Variants in UBAP2 observed in about 807,000 individuals in gnomAD.
UBAP2 encodes ubiquitin associated protein 2.
UBAP2 carries 75 observed loss-of-function variants against 139.6 expected under a neutral mutation model. That is an observed-to-expected ratio of 0.54 (90% CI 0.45 to 0.65). UBAP2 has a LOEUF of 0.65. Among genes scored for constraint, UBAP2 ranks in the 30% least tolerant of loss-of-function variants. The pLI, the probability that UBAP2 is intolerant of heterozygous loss-of-function variation, is 0.00. For missense variants in UBAP2, 1,368 were observed against 1,369.6 expected (o/e 1.00, Z 0.02); for synonymous variants, 526 against 526.2 (o/e 1.00, Z 0.01).
chr9:33,951,896 TG>T (rs1280357300), intron 12 of UBAP2, among the ~76,000 whole-genome samples: 3 of 152,138 alleles, frequency 2.0e-5, no homozygotes, highest in Non-Finnish European at 4.4e-5. Context: ...GAAAAGACTC[TG>T]GTGCGTCAAT....
At chr9:33,924,306 T>G in intron 22 of UBAP2, 22 bp from the exon 23 acceptor site, 4 of 1,607,272 alleles carry the variant, frequency 2.5e-6, no homozygotes, top group Non-Finnish European at 3.4e-6. Context: ...CAGGGAGGCT[T>G]GATCAGCGAC....
In UBAP2 at chr9:33,988,979, T is replaced by G; in HGVS notation, c.436A>C (p.Arg146=). 1 of 1,612,144 alleles carries G rather than the reference T, an allele frequency of 6.2e-7. No homozygotes were observed. ...GGAGAAAGTCTGTACTTACATTCTCTGCCACGATTGCCGCCTCTTCCTTTC... is the reference window on the plus strand; with the variant it reads ...GGAGAAAGTCTGTACTTACATTCTCGGCCACGATTGCCGCCTCTTCCTTTC... ...NRKGRGGNRG[R]EFRGEENGID... is the part of the protein sequence containing the mutation. Residue 146 remains arginine (R), a synonymous_variant, in exon 5 of 29, where the codon AGA becomes CGA. Coordinates refer to ENST00000379238, the MANE Select transcript of UBAP2 (RefSeq NM_001370062.2).
At chr9:34,008,486 G>A (rs1033150315) in intron 2 of UBAP2, among the ~76,000 whole-genome samples, 4 of 152,068 alleles carry the variant, frequency 2.6e-5, no homozygotes, top group Non-Finnish European at 5.9e-5. Flanking sequence ...GCTCAGGCCT[G>A]TAATCTCAGC....
At chr9:34,040,393 A>G (rs1044911590) in intron 1 of UBAP2, among the ~76,000 whole-genome samples, 5 of 151,824 alleles carry the variant, frequency 3.3e-5, no homozygotes, top group Non-Finnish European at 7.4e-5. Flanking sequence ...AAGACTAAAT[A>G]TAATGGCAGA....
intron 26 of UBAP2, 51 bp downstream of exon 26, chr9:33,923,135 C>T (rs1053655617): frequency 2.6e-5 from 42 of 1,612,506 alleles, no homozygotes; most frequent in Non-Finnish European, 3.4e-5. Flanking sequence ...GGGGATCAGG[C>T]AGGAGCCCAC....
rs1822955436 is a variant in UBAP2 at position 33,922,310 on chromosome 9, C to T, written c.*194G>A. 3.3e-6 allele frequency: 2 copies of T among 605,338 alleles called. No homozygotes were observed. Among genetic ancestry groups the T allele is most frequent in the African/African-American group, 3.7e-5 (2 of 53,804 alleles). 37.5% of individuals were successfully genotyped at this position (605,338 alleles called of 1,614,324 possible). A position where few individuals can be genotyped will look rare whatever the true frequency, so the allele number is the denominator to read the frequency against. ...CGCCATCCCCCAACTCCCCCCCAGA[C>T]TTCTATCACATTTACAAATACATAC... On this transcript the variant is annotated 3_prime_UTR_variant, in exon 29 of 29. Transcript: ENST00000379238.
intron 2 of UBAP2, among the ~76,000 whole-genome samples, chr9:33,999,995 T>A (rs982080214): frequency 2.0e-5 from 3 of 152,008 alleles, no homozygotes; most frequent in Non-Finnish European, 1.5e-5. Context: ...TCGCCCAGGC[T>A]GGAGTGCACT....
intron 4 of UBAP2, among the ~76,000 whole-genome samples, chr9:33,993,556 C>T (rs1362655265): frequency 2.6e-5 from 4 of 152,098 alleles, no homozygotes; most frequent in Admixed American, 6.6e-5. Context: ...CCTGTGGTCC[C>T]GGCTACTCGG....
intron 4 of UBAP2, among the ~76,000 whole-genome samples, chr9:33,990,948 T>C (rs1336901271): frequency 6.6e-6 from 1 of 152,124 alleles, no homozygotes; most frequent in East Asian, 1.9e-4. Flanking sequence ...ATTTGGTGCA[T>C]ACTCTTTCAA....
intron 16 of UBAP2, among the ~76,000 whole-genome samples, chr9:33,939,481 G>A (rs1394386917): frequency 3.3e-5 from 5 of 151,560 alleles, no homozygotes; most frequent in Non-Finnish European, 7.4e-5. Flanking sequence ...TTACAGGAGT[G>A]AGCCACTGCG....
rs755845627 is a variant in UBAP2 at position 33,944,383 on chromosome 9, C to A, written c.1527G>T (p.Arg509=). ...QPKHIKLAKR[R]IPPASKIPAS... ...TGCCCACCTTAGAAGCTGGGGGTAT[C>A]CGCCGCTTAGCAAGTTTGATGTGTT... The change falls in exon 14 of 29, where the codon CGG becomes CGT. Residue 509 remains arginine, a synonymous_variant. Coordinates refer to ENST00000379238, the MANE Select transcript of UBAP2 (RefSeq NM_001370062.2). The A allele has an allele frequency of 4.7e-5, 75 of 1,612,824 alleles. No individual in the cohort carries two copies. The highest frequency in any genetic ancestry group is 1.3e-4 in the Admixed American group (8 of 59,972).
chr9:33,978,531 A>ACGAGGC (rs766309642), intron 6 of UBAP2, among the ~76,000 whole-genome samples: 39 of 152,280 alleles, frequency 2.6e-4, no homozygotes, highest in Admixed American at 5.2e-4. Context: ...CTAGCACTTT[A>ACGAGGC]CGAGGCCAAG....
chr9:33,996,520 T>A (rs1053357571), intron 3 of UBAP2, 187 bp from the exon 4 acceptor site: 8 of 520,274 alleles, frequency 1.5e-5, no homozygotes, highest in Non-Finnish European at 2.7e-5. Flanking sequence ...GTCTTTTCAC[T>A]AACACTGGTA....
chr9:34,001,246 A>G (rs1822674955), intron 2 of UBAP2, among the ~76,000 whole-genome samples: 1 of 152,256 alleles, frequency 6.6e-6, no homozygotes. Flanking sequence ...TTTTATTTAG[A>G]AAGAATATAT....
At chr9:34,015,492 G>A (rs892195771) in intron 2 of UBAP2, among the ~76,000 whole-genome samples, 11 of 11,676 alleles carry the variant, frequency 9.4e-4, no homozygotes, top group Non-Finnish European at 2.5e-3. Context: ...GCTAATTTTC[G>A]TATTTTTTTT....
At chr9:34,029,695 A>G (rs1024001318) in intron 1 of UBAP2, among the ~76,000 whole-genome samples, 9 of 151,824 alleles carry the variant, frequency 5.9e-5, no homozygotes, top group East Asian at 3.9e-4. Context: ...AAAGAAGAAG[A>G]AGGAAGAAAT....
intron 19 of UBAP2, chr9:33,928,280 T>C (rs1823651755): frequency 2.8e-6 from 1 of 358,528 alleles, no homozygotes; most frequent in Admixed American, 4.3e-5. Context: ...AAGTTGCTCA[T>C]GCTTGGCATC....
intron 1 of UBAP2, among the ~76,000 whole-genome samples, chr9:34,032,971 T>C (rs1169995572): frequency 2.0e-5 from 3 of 149,728 alleles, no homozygotes; most frequent in African/African-American, 7.4e-5. Context: ...TAAGCCACAA[T>C]GTTTAACTCT....
intron 6 of UBAP2, 82 bp from the exon 7 acceptor site, chr9:33,973,319 T>G: frequency 7.1e-7 from 1 of 1,414,908 alleles, no homozygotes; most frequent in Non-Finnish European, 1.0e-6. Flanking sequence ...CTATACTCAC[T>G]ACCCAGACAA....
Sources: gnomAD v4.1 joint callset for allele counts (sites outside exome capture counted in the v4.1 genomes callset) on GRCh38, gnomAD v4.1.1 for gene constraint, MANE v1.5 for transcripts, NCBI Gene and HGNC (gene_info 2026-07-23, HGNC 2026-07-21) for gene names.